PLPPR1: variants seen among roughly 807,000 people sequenced by gnomAD.
PLPPR1 encodes the protein phospholipid phosphatase related 1.
Under a neutral mutation model 33.1 loss-of-function variants are expected in PLPPR1, and 10 were observed. The observed-to-expected ratio is 0.30, with a 90% CI of 0.19 to 0.51. The LOEUF (loss-of-function observed/expected upper bound fraction) is 0.51. PLPPR1 is among the 20% of genes least tolerant of loss of function. PLPPR1 has a pLI of 0.97. For synonymous variants in PLPPR1, 151 were observed against 151.0 expected (o/e 1.00, Z 0.00); for missense variants, 304 against 408.1 (o/e 0.74, Z 2.20).
chr9:101,242,166 A>T (rs1827483567), intron 2 of PLPPR1, among the ~76,000 whole-genome samples: 1 of 151,956 alleles, frequency 6.6e-6, no homozygotes, highest in East Asian at 1.9e-4. Context: ...ACAGTATGAA[A>T]ATGAGTGAGT....
chr9:101,167,141 G>GGGGTGTGTGTGTGTGTGTGTGTGTGT lies in PLPPR1; in HGVS notation c.-45-18308_-45-18307insGGTGTGTGTGTGTGTGTGTGTGTGTG, dbSNP rs1297322438. Among the ~76,000 whole-genome samples, 134 of 39,744 alleles carry GGGGTGTGTGTGTGTGTGTGTGTGTGT rather than the reference G, an allele frequency of 3.4e-3. 2 individuals carry two copies. Among genetic ancestry groups the GGGGTGTGTGTGTGTGTGTGTGTGTGT allele is most frequent in the Non-Finnish European group, 4.7e-3 (84 of 17,838 alleles). The allele number at this position is 39,744 out of a possible 152,430, so 26.1% of individuals were successfully genotyped here. ...TGCTGTCTCTGTCTTTATGTCTCTCGGTGTGTGTGTGTGTGTGTGTGTGTG... is the reference window on the plus strand; with the variant it reads ...TGCTGTCTCTGTCTTTATGTCTCTCGGGGTGTGTGTGTGTGTGTGTGTGTGTGTGTGTGTGTGTGTGTGTGTGTGTG... On this transcript the variant is annotated intron_variant, in intron 1 of 7. Coordinates refer to ENST00000374874, the MANE Select transcript of PLPPR1 (RefSeq NM_207299.2).
rs563419385 is a variant in PLPPR1, at chr9:101,146,020, G to GA, written c.-45-39422dup. Among the ~76,000 whole-genome samples, 421 of 151,724 alleles carry GA rather than the reference G, an allele frequency of 2.8e-3. 3 individuals are homozygous for GA. The highest frequency in any genetic ancestry group is 9.0e-3 in the African/African-American group (373 of 41,422). On this transcript the variant is annotated intron_variant, in intron 1 of 7. Coordinates refer to ENST00000374874, the MANE Select transcript of PLPPR1 (RefSeq NM_207299.2). ...GATAGAGCAACAGCCTGTCTCAAAAGAAAAAAAATATTCCTTAAACATAAC... is the reference window on the plus strand; with the variant it reads ...GATAGAGCAACAGCCTGTCTCAAAAGAAAAAAAAATATTCCTTAAACATAAC...
intron 1 of PLPPR1, among the ~76,000 whole-genome samples, chr9:101,051,521 TG>T (rs750978865): frequency 1.4e-4 from 22 of 152,342 alleles, no homozygotes; most frequent in Non-Finnish European, 2.8e-4. Flanking sequence ...CCTGCTCCCA[TG>T]TCTTAGACCT....
chr9:101,151,270 GAAAAACAACTTT>G (rs1277873801), intron 1 of PLPPR1, among the ~76,000 whole-genome samples: 8 of 152,022 alleles, frequency 5.3e-5, no homozygotes, highest in Non-Finnish European at 8.8e-5. Flanking sequence ...AATAATGGTG[GAAAAACAACTTT>G]AAAATGTAGG....
chr9:101,031,581 G>T (rs992103778), intron 1 of PLPPR1, among the ~76,000 whole-genome samples: 1 of 152,150 alleles, frequency 6.6e-6, no homozygotes, highest in African/African-American at 2.4e-5. Context: ...GGGAAAAAAA[G>T]ATAAGAAAGT....
At chr9:101,139,517 A>C (rs138783139) in intron 1 of PLPPR1, among the ~76,000 whole-genome samples, 1 of 152,338 alleles carries the variant, frequency 6.6e-6, no homozygotes, top group Non-Finnish European at 1.5e-5. Flanking sequence ...ACTGGAAGAA[A>C]AGATAAATTC....
chr9:101,143,518 C>T (rs907007070), intron 1 of PLPPR1, among the ~76,000 whole-genome samples: 1 of 151,318 alleles, frequency 6.6e-6, no homozygotes, highest in Non-Finnish European at 1.5e-5. Context: ...AAAATTTTTA[C>T]AATCTACCCA....
intron 1 of PLPPR1, among the ~76,000 whole-genome samples, chr9:101,161,232 C>T (rs1831768819): frequency 6.6e-6 from 1 of 152,090 alleles, no homozygotes; most frequent in African/African-American, 2.4e-5. Context: ...TAGTAGTTAT[C>T]ATGTTGCCTC....
chr9:101,178,240 G>A (rs56238175), intron 1 of PLPPR1, among the ~76,000 whole-genome samples: 31,317 of 152,208 alleles, frequency 0.21, 4,136 homozygotes, highest in Non-Finnish European at 0.3. Flanking sequence ...GAGGTTACAC[G>A]TGGGCTCAGC....
chr9:101,155,898 C>T (rs570392932), intron 1 of PLPPR1, among the ~76,000 whole-genome samples: 10 of 152,186 alleles, frequency 6.6e-5, no homozygotes, highest in Non-Finnish European at 1.2e-4. Context: ...CTGGCTGGGC[C>T]GGGGGATTAA....
intron 2 of PLPPR1, among the ~76,000 whole-genome samples, chr9:101,263,929 C>T (rs768165298): frequency 1.3e-5 from 2 of 152,108 alleles, no homozygotes; most frequent in Non-Finnish European, 2.9e-5. Flanking sequence ...CTCTCTCCTT[C>T]CTCCACCTCC....
At chr9:101,317,314 G>A in intron 6 of PLPPR1, 51 bp from the exon 7 acceptor site, 2 of 1,578,350 alleles carry the variant, frequency 1.3e-6, no homozygotes, top group Non-Finnish European at 8.6e-7. Flanking sequence ...CAGATGCCAG[G>A]CATTGATGGC....
At chr9:101,293,119 A>C (rs927109790) in intron 4 of PLPPR1, among the ~76,000 whole-genome samples, 9 of 151,966 alleles carry the variant, frequency 5.9e-5, no homozygotes, top group South Asian at 2.1e-4. Context: ...TCTACCAAGC[A>C]AATGGAAAAC....
intron 2 of PLPPR1, among the ~76,000 whole-genome samples, chr9:101,223,820 G>A (rs781597001): frequency 2.3e-4 from 35 of 152,094 alleles, no homozygotes; most frequent in African/African-American, 5.3e-4. Flanking sequence ...GTATTTCTTC[G>A]TAGCTGCATG....
chr9:101,199,249 A>T (rs16920055), intron 2 of PLPPR1, among the ~76,000 whole-genome samples: 19,005 of 152,210 alleles, frequency 0.12, 1,419 homozygotes, highest in East Asian at 0.28. Context: ...ATTCTGAACG[A>T]CTATGTCACC....
At chr9:101,210,216 A>T (rs1042653866) in intron 2 of PLPPR1, among the ~76,000 whole-genome samples, 4 of 152,236 alleles carry the variant, frequency 2.6e-5, no homozygotes, top group Admixed American at 2.0e-4. Flanking sequence ...TTAGTGAGGT[A>T]TGAATTGCAT....
chr9:101,048,188 A>G (rs1442762689), intron 1 of PLPPR1, among the ~76,000 whole-genome samples: 2 of 152,236 alleles, frequency 1.3e-5, no homozygotes, highest in African/African-American at 4.8e-5. Flanking sequence ...CAGAGAAACC[A>G]GTCCATAAAT....
At chr9:101,220,559 C>T (rs1826910347) in intron 2 of PLPPR1, among the ~76,000 whole-genome samples, 1 of 152,172 alleles carries the variant, frequency 6.6e-6, no homozygotes, top group Non-Finnish European at 1.5e-5. Flanking sequence ...ACTCCTCCCA[C>T]CTAATTTAAT....
At chr9:101,100,150 A>C (rs1830879770) in intron 1 of PLPPR1, among the ~76,000 whole-genome samples, 1 of 142,618 alleles carries the variant, frequency 7.0e-6, no homozygotes, top group African/African-American at 2.9e-5. Context: ...TGAAATTTAC[A>C]AAAAAAAATG....
Sources: allele counts gnomAD v4.1 joint callset (sites outside exome capture counted in the v4.1 genomes callset), GRCh38; gene constraint gnomAD v4.1.1; transcripts MANE v1.5; gene names NCBI Gene and HGNC (gene_info 2026-07-23, HGNC 2026-07-21).